Variants in NOD2 observed in about 807,000 individuals in gnomAD.
NOD2 encodes nucleotide-binding oligomerization domain-containing protein 2.
Under a neutral mutation model 90.9 loss-of-function variants are expected in NOD2, and 86 were observed. That is an observed-to-expected ratio of 0.95 (90% CI 0.79 to 1.13). The LOEUF (loss-of-function observed/expected upper bound fraction) is 1.13. Ranked by LOEUF, NOD2 falls within the 50% of genes most tolerant of loss-of-function variation. The probability of loss-of-function intolerance (pLI) is 0.00; values close to 1 mark genes in which losing one functional copy is unlikely to be tolerated. For missense variants in NOD2, 1,238 were observed against 1,283.8 expected (o/e 0.96, Z 0.55); for synonymous variants, 581 against 554.6 (o/e 1.05, Z -0.67).
intron 1 of NOD2, among the ~76,000 whole-genome samples, 166 bp from the exon 2 acceptor site, chr16:50,699,322 T>C (rs1963813514): frequency 6.6e-6 from 1 of 152,038 alleles, no homozygotes; most frequent in Non-Finnish European, 1.5e-5. Context: ...CTTCTCTGGG[T>C]CTCAATTTTC....
At chr16:50,697,465 T>G in intron 1 of NOD2, 1 of 791,272 alleles carries the variant, frequency 1.3e-6, no homozygotes, top group Non-Finnish European at 2.2e-6. Context: ...GGCGGGTTTT[T>G]TTCCCCAGGA....
rs1965052847 is a variant in NOD2, at chr16:50,721,379, T to G, written c.2634-1243T>G. Reference sequence around the variant, plus strand: ...GTAACTTGCTTGGTTTTTTTTTTTGTTTGTTTGTTTGTTTTGTTTTGTTTT... The same window carrying G: ...GTAACTTGCTTGGTTTTTTTTTTTGGTTGTTTGTTTGTTTTGTTTTGTTTT... On this transcript the variant is annotated intron_variant, in intron 7 of 11. Transcript: ENST00000647318. 3.6e-5 allele frequency among the ~76,000 whole-genome samples: 5 copies of G among 138,684 alleles called. No individual in the cohort carries two copies. The South Asian group carries it at 1.1e-3, about 29-fold the overall frequency. 91.0% of individuals were successfully genotyped at this position (138,684 alleles called of 152,430 possible). A position where few individuals can be genotyped will look rare whatever the true frequency, so the allele number is the denominator to read the frequency against.
intron 4 of NOD2, among the ~76,000 whole-genome samples, chr16:50,714,042 G>T (rs1473107484): frequency 6.6e-6 from 1 of 152,228 alleles, no homozygotes; most frequent in Non-Finnish European, 1.5e-5. Context: ...AAACCTGTCT[G>T]TTGGAGCAAT....
At chr16:50,698,281 T>C (rs759260900) in intron 1 of NOD2, among the ~76,000 whole-genome samples, 2 of 152,196 alleles carry the variant, frequency 1.3e-5, no homozygotes, top group Non-Finnish European at 2.9e-5. Context: ...GGAGGGTCAC[T>C]TGCCCTCAAA....
At chr16:50,716,840 A>C (rs777445637) in intron 5 of NOD2, 51 bp from the exon 6 acceptor site, 1 of 1,576,248 alleles carries the variant, frequency 6.3e-7, no homozygotes, top group Non-Finnish European at 8.7e-7. Flanking sequence ...TTTGGTGCTC[A>C]CTGTCCAATG....
chr16:50,710,413 T>A (rs1395405022), intron 3 of NOD2, 145 bp from the exon 4 acceptor site: 3 of 1,035,286 alleles, frequency 2.9e-6, no homozygotes, highest in African/African-American at 1.6e-5. Flanking sequence ...AGTGCACAGC[T>A]TGTGAATGGA....
In NOD2 at chr16:50,711,610, GCC is replaced by G; in HGVS notation, c.1620_1621del (p.Gln541AlafsTer10). 1 of 1,611,710 alleles carries G rather than the reference GCC, an allele frequency of 6.2e-7. No individual in the cohort carries two copies. Among genetic ancestry groups the G allele is most frequent in the South Asian group, 1.1e-5 (1 of 91,082 alleles). On this transcript the variant is annotated frameshift_variant, in exon 4 of 12. Transcript: ENST00000647318. LOFTEE classifies it high-confidence loss of function. ...GLGMCCYVFS[A>X]QQLQAAQVSP... The stretch of plus-strand genomic sequence containing the variant: ...GGGCATGTGCTGCTACGTGTTCTCA[GCC>G]CAGCAGCTCCAGGCAGCACAGGTCA...
chr16:50,729,430 T>A (rs748198734), intron 10 of NOD2, among the ~76,000 whole-genome samples: 47 of 152,164 alleles, frequency 3.1e-4, no homozygotes, highest in Non-Finnish European at 6.3e-4. Flanking sequence ...TAGATTCTTA[T>A]GCTCGATGGC....
At chr16:50,716,782 T>TG (rs1460982905) in intron 5 of NOD2, 109 bp from the exon 6 acceptor site, 4 of 1,457,830 alleles carry the variant, frequency 2.7e-6, no homozygotes, top group South Asian at 2.3e-5. Flanking sequence ...GTTTGCATGA[T>TG]GGGGGGTGCA....
chr16:50,711,702 G>A lies in NOD2; in HGVS notation c.1710G>A (p.Ala570=), dbSNP rs140312093. The change falls in exon 4 of 12, where the codon GCG becomes GCA. Residue 570 remains alanine, a synonymous_variant. Coordinates refer to ENST00000647318, the MANE Select transcript of NOD2 (RefSeq NM_001370466.1). ...RAKGVVPGST[A]PLEFLHITFQ... ...AAGGTGTCGTGCCAGGGAGTACGGC[G>A]CCCCTGGAATTCCTTCACATCACTT... The A allele has an allele frequency of 4.1e-5, 66 of 1,613,804 alleles. No homozygotes were observed. In the African/African-American group the frequency reaches 4.8e-4, roughly 12 times the overall value.
chr16:50,711,306 G>A lies in NOD2; in HGVS notation c.1314G>A (p.Val438=). The change falls in exon 4 of 12, where the codon GTG becomes GTA. Residue 438 remains valine, a synonymous_variant. Transcript: ENST00000647318. The stretch of plus-strand genomic sequence containing the variant: ...GGAAGCGCCATCATGAGCCCGGGGT[G>A]GCGGACCGCCTCATCCGCCTGCTCC... ...YLRKRHHEPG[V]ADRLIRLLQE... 1 of 1,613,696 alleles carries A rather than the reference G, an allele frequency of 6.2e-7. No individual in the cohort carries two copies. Among genetic ancestry groups the A allele is most frequent in the Non-Finnish European group, 8.5e-7 (1 of 1,180,026 alleles).
rs1035677296 is a variant in NOD2 at position 50,731,976 on chromosome 16, T to A, written c.*157T>A. ...TGGGAACACCATAGGTCACCTTTAT[T>A]CTGGCAGAGGAGGGAGCATCAGTGC... On this transcript the variant is annotated 3_prime_UTR_variant, in exon 12 of 12. Transcript: ENST00000647318. 1.3e-5 allele frequency: 9 copies of A among 687,900 alleles called. No individual in the cohort carries two copies. The Admixed American group carries it at 1.4e-4, about 11-fold the overall frequency. The allele number at this position is 687,900 out of a possible 1,614,324, so 42.6% of individuals were successfully genotyped here.
chr16:50,702,782 T>C (rs972439704), intron 2 of NOD2, among the ~76,000 whole-genome samples: 5 of 152,246 alleles, frequency 3.3e-5, no homozygotes, highest in Non-Finnish European at 7.3e-5. Context: ...ATGAAGAAAC[T>C]GCCCAAATCG....
intron 6 of NOD2, among the ~76,000 whole-genome samples, chr16:50,718,142 TG>T (rs1964881987): frequency 1.3e-5 from 2 of 152,190 alleles, no homozygotes; most frequent in South Asian, 4.1e-4. Context: ...CCCTTCTTCT[TG>T]GGAAGATGTG....
intron 7 of NOD2, among the ~76,000 whole-genome samples, chr16:50,721,800 A>G (rs1391821157): frequency 2.0e-5 from 3 of 152,078 alleles, no homozygotes; most frequent in African/African-American, 7.2e-5. Flanking sequence ...GCCTGACCTC[A>G]TTTTTCAAAG....
At chr16:50,727,615 A>G in intron 10 of NOD2, 1 of 300,276 alleles carries the variant, frequency 3.3e-6, no homozygotes, top group Non-Finnish European at 6.6e-6. Context: ...TCTTGAAGAA[A>G]TGGTAGTCAG....
rs1965390393 is a variant in NOD2 at position 50,729,832 on chromosome 16, G to A, written c.2900G>A (p.Cys967Tyr). The change falls in exon 11 of 12, where the codon TGC (cysteine) becomes TAC (tyrosine). Residue 967 changes from cysteine (C) to tyrosine (Y), a missense_variant. Cys to Tyr is a radical substitution (Grantham distance 194, BLOSUM62 -2). Transcript: ENST00000647318. ...TTCTTTTCCAGGTTGTCCAATAACT[G>A]CATCACCTACCTAGGGGCAGAAGCC... is the stretch of plus-strand genomic sequence containing the variant. ...SLKILKLSNNCITYLGAEALL... is the reference protein window; with the variant it reads ...SLKILKLSNNYITYLGAEALL... The A allele has an allele frequency of 6.2e-7, 1 of 1,612,484 alleles. No individual in the cohort carries two copies. The highest frequency in any genetic ancestry group is 1.3e-5 in the African/African-American group (1 of 75,000).
chr16:50,722,304 GAA>G, intron 7 of NOD2, among the ~76,000 whole-genome samples: 1 of 152,340 alleles, frequency 6.6e-6, no homozygotes, highest in South Asian at 2.1e-4. Flanking sequence ...CTAAGTGTCA[GAA>G]AAAGTGTCAC....
chr16:50,717,003 A>T, intron 6 of NOD2, 29 bp downstream of exon 6: 1 of 1,609,708 alleles, frequency 6.2e-7, no homozygotes, highest in South Asian at 1.1e-5. Context: ...TATTCCCTGG[A>T]AACTATTTTT....
Sources: gnomAD v4.1 joint callset for allele counts (sites outside exome capture counted in the v4.1 genomes callset) on GRCh38, gnomAD v4.1.1 for gene constraint, MANE v1.5 for transcripts, NCBI Gene and HGNC (gene_info 2026-07-23, HGNC 2026-07-21) for gene names.